SHLD1: variants seen among roughly 807,000 people sequenced by gnomAD.
SHLD1 encodes the protein shieldin complex subunit 1, also known as RINN1-REV7-interacting novel NHEJ regulator 3.
In SHLD1, 3 loss-of-function variants were observed where a neutral mutation model predicts 5.5. That is an observed-to-expected ratio of 0.54 (90% CI 0.25 to 1.40). The LOEUF is 1.40. Ranked by LOEUF, SHLD1 falls within the 40% of genes most tolerant of loss-of-function variation. The pLI, the probability that SHLD1 is intolerant of heterozygous loss-of-function variation, is 0.15. For synonymous variants in SHLD1, 92 were observed against 94.3 expected (o/e 0.98, Z 0.14); for missense variants, 210 against 244.4 (o/e 0.86, Z 0.94).
chr20:5,838,866 A>G (rs1427925865), intron 2 of SHLD1, among the ~76,000 whole-genome samples: 1 of 152,230 alleles, frequency 6.6e-6, no homozygotes, highest in African/African-American at 2.4e-5. Flanking sequence ...TGTGCATTTG[A>G]TTAATATTAA....
At chr20:5,754,615 C>T (rs116632133) in intron 1 of SHLD1, among the ~76,000 whole-genome samples, 152 of 152,240 alleles carry the variant, frequency 1.0e-3, no homozygotes, top group African/African-American at 3.7e-3. Context: ...GAACTTGTGC[C>T]CAAGGTAGTT....
chr20:5,797,458 A>G (rs1018036668), intron 2 of SHLD1, among the ~76,000 whole-genome samples: 9 of 152,132 alleles, frequency 5.9e-5, no homozygotes, highest in Non-Finnish European at 1.3e-4. Context: ...GCTACTCAAG[A>G]GGCAGAGGTG....
intron 2 of SHLD1, among the ~76,000 whole-genome samples, chr20:5,793,278 C>T (rs764158045): frequency 6.6e-6 from 1 of 151,886 alleles, no homozygotes; most frequent in African/African-American, 2.4e-5. Flanking sequence ...TTTTGATGTA[C>T]CTATAAATAT....
intron 2 of SHLD1, among the ~76,000 whole-genome samples, chr20:5,817,432 C>CTCTCTCTCTCTCTG (rs1473391202): frequency 2.3e-3 from 193 of 85,656 alleles, no homozygotes; most frequent in African/African-American, 4.5e-3. Context: ...CTCTCTCTCT[C>CTCTCTCTCTCTCTG]TGTGTGTGTG....
chr20:5,768,509 A>G (rs1339101043), intron 1 of SHLD1, among the ~76,000 whole-genome samples: 1 of 152,220 alleles, frequency 6.6e-6, no homozygotes, highest in East Asian at 1.9e-4. Context: ...GGTCTGTGAC[A>G]TTCACCTTTG....
intron 2 of SHLD1, among the ~76,000 whole-genome samples, chr20:5,817,872 AGTGAGATTGCTGTGCTCT>A (rs1160461827): frequency 2.0e-5 from 3 of 152,206 alleles, no homozygotes; most frequent in African/African-American, 7.2e-5. Context: ...GCTGTGAGGC[AGTGAGATTGCTGTGCTCT>A]GTTTGGATTC....
intron 2 of SHLD1, among the ~76,000 whole-genome samples, chr20:5,836,511 C>T (rs976309697): frequency 1.8e-4 from 27 of 152,340 alleles, no homozygotes; most frequent in African/African-American, 6.5e-4. Flanking sequence ...GCCACAGTGG[C>T]CTCTCATCCT....
At chr20:5,849,707 C>A (rs1388705549) in intron 2 of SHLD1, among the ~76,000 whole-genome samples, 1 of 152,118 alleles carries the variant, frequency 6.6e-6, no homozygotes, top group Non-Finnish European at 1.5e-5. Context: ...CGCCTGTAAT[C>A]CCAGCACTTT....
intron 1 of SHLD1, among the ~76,000 whole-genome samples, chr20:5,758,314 AGGGAAGGGAGGGGAGGGGAG>A (rs1193700107): frequency 6.3e-5 from 5 of 79,904 alleles, no homozygotes; most frequent in African/African-American, 2.6e-4. Context: ...AGGAAAGGGA[AGGGAAGGGAGGGGAGGGGAG>A]GGGAAGGGAG....
At chr20:5,813,938 T>C in intron 2 of SHLD1, among the ~76,000 whole-genome samples, 1 of 142,982 alleles carries the variant, frequency 7.0e-6, no homozygotes, top group Non-Finnish European at 1.5e-5. Flanking sequence ...CCTTTTTCCT[T>C]TTCTTTCTTT....
intron 2 of SHLD1, among the ~76,000 whole-genome samples, chr20:5,844,525 C>T (rs1002832082): frequency 1.3e-5 from 2 of 152,044 alleles, no homozygotes; most frequent in Non-Finnish European, 2.9e-5. Context: ...ACTGAGGCAC[C>T]TGCTGTTTCT....
rs982736149 is a variant in SHLD1, at chr20:5,858,402, G to C, written c.179-4622G>C. 7.2e-5 allele frequency among the ~76,000 whole-genome samples: 11 copies of C among 152,216 alleles called. No homozygotes were observed. The South Asian group carries it at 1.0e-3, about 14-fold the overall frequency. On this transcript the variant is annotated intron_variant, in intron 2 of 2. Transcript: ENST00000303142. ...GGAAGAATCCCTCATTAGATATCTG[G>C]GTTTCTAAAGGCTAATGGCATCTCT...
intron 1 of SHLD1, among the ~76,000 whole-genome samples, chr20:5,755,806 A>T (rs964032350): frequency 2.0e-5 from 3 of 151,926 alleles, no homozygotes; most frequent in African/African-American, 7.3e-5. Flanking sequence ...TGATCCGCCC[A>T]CCTCGGCTTC....
Position 5,763,786 on chromosome 20 carries a change from T to A in SHLD1, c.-4-9076T>A, listed in dbSNP as rs146087621. On this transcript the variant is annotated intron_variant, in intron 1 of 2. Transcript: ENST00000303142. ...TGATTGAGACCTGTCTCAGATACTT[T>A]TTGGTTTACATCATCAAGCCATTTT... Among the ~76,000 whole-genome samples, 543 of 151,916 alleles carry A rather than the reference T, an allele frequency of 3.6e-3. 4 individuals are homozygous for A. Among genetic ancestry groups the A allele is most frequent in the African/African-American group, 0.013 (518 of 41,414 alleles).
At chr20:5,792,631 G>A (rs1350124440) in intron 2 of SHLD1, among the ~76,000 whole-genome samples, 1 of 150,392 alleles carries the variant, frequency 6.6e-6, no homozygotes, top group African/African-American at 2.5e-5. Flanking sequence ...TGTTGGCCAG[G>A]CTGGTCTCGA....
intron 2 of SHLD1, among the ~76,000 whole-genome samples, chr20:5,786,073 AG>A (rs1212147678): frequency 2.0e-5 from 3 of 152,158 alleles, no homozygotes; most frequent in Non-Finnish European, 4.4e-5. Flanking sequence ...AGGTCTCTGC[AG>A]CAGCCTCAGA....
chr20:5,817,956 G>A (rs2087558642), intron 2 of SHLD1, among the ~76,000 whole-genome samples: 1 of 152,214 alleles, frequency 6.6e-6, no homozygotes, highest in South Asian at 2.1e-4. Flanking sequence ...GGGGGCAATT[G>A]TAGGCACATC....
intron 1 of SHLD1, among the ~76,000 whole-genome samples, chr20:5,764,432 G>A (rs1010280293): frequency 3.4e-5 from 5 of 148,386 alleles, no homozygotes; most frequent in African/African-American, 1.2e-4. Flanking sequence ...GCTTATGCCT[G>A]TAATTTCAGC....
chr20:5,779,933 A>G (rs1180146561), intron 2 of SHLD1, among the ~76,000 whole-genome samples: 3 of 146,762 alleles, frequency 2.0e-5, no homozygotes, highest in Non-Finnish European at 4.5e-5. Context: ...AGCTTTGGTC[A>G]TTAGGATTCA....
Sources: gnomAD v4.1 joint callset for allele counts (sites outside exome capture counted in the v4.1 genomes callset) on GRCh38, gnomAD v4.1.1 for gene constraint, MANE v1.5 for transcripts, NCBI Gene and HGNC (gene_info 2026-07-23, HGNC 2026-07-21) for gene names.